Variants in PCSK9 observed in about 807,000 individuals in gnomAD.
The protein encoded by PCSK9 is convertase subtilisin/kexin type 9 preproprotein.
PCSK9 carries 57 observed loss-of-function variants against 62.1 expected under a neutral mutation model. That is an observed-to-expected ratio of 0.92 (90% confidence interval 0.74 to 1.14). The LOEUF (loss-of-function observed/expected upper bound fraction) is 1.14, where lower values mean the gene tolerates loss of function less well. Ranked by LOEUF, PCSK9 falls within the 50% of genes most tolerant of loss-of-function variation. The pLI is 0.00. For missense variants in PCSK9, 870 were observed against 959.8 expected (o/e 0.91, Z 1.24); for synonymous variants, 387 against 409.4 (o/e 0.95, Z 0.66).
At position 55,057,407 on chromosome 1, in the gene PCSK9, G is replaced by T. The variant is rs753017904; in HGVS notation, c.1073G>T (p.Cys358Phe). The T allele has an allele frequency of 1.2e-6, 2 of 1,614,052 alleles. No homozygotes were observed. Among genetic ancestry groups the T allele is most frequent in the African/African-American group, 2.7e-5 (2 of 74,946 alleles). The change falls in exon 7 of 12, where the codon TGT (cysteine) becomes TTT (phenylalanine). Residue 358 changes from cysteine (C) to phenylalanine (F), a missense_variant. Cys to Phe is a radical substitution (Grantham distance 205). Transcript: ENST00000302118. ...ACTTTGGGGACCAACTTTGGCCGCT[G>T]TGTGGACCTCTTTGCCCCAGGGGAG... ...LGTLGTNFGRCVDLFAPGEDI... is the reference protein window; with the variant it reads ...LGTLGTNFGRFVDLFAPGEDI...
At chr1:55,044,475 A>G (rs560855978) in intron 2 of PCSK9, among the ~76,000 whole-genome samples, 1 of 152,240 alleles carries the variant, frequency 6.6e-6, no homozygotes, top group East Asian at 1.9e-4. Flanking sequence ...TGCTATCCAG[A>G]GTGAAGTCCC....
chr1:55,056,028 C>T lies in PCSK9; in HGVS notation c.835C>T (p.Pro279Ser). The stretch of plus-strand genomic sequence containing the variant: ...TATTCGGAAAAGCCAGCTGGTCCAG[C>T]CTGTGGGGCCACTGGTGGTGCTGCT... The part of the protein sequence containing the change: ...EFIRKSQLVQ[P>S]VGPLVVLLPL... Residue 279 changes from proline (P) to serine (S), a missense_variant, in exon 6 of 12, where the codon CCT (proline) becomes TCT (serine). Transcript: ENST00000302118. 1.2e-6 allele frequency: 2 copies of T among 1,610,236 alleles called. No individual in the cohort carries two copies. The highest frequency in any genetic ancestry group is 1.7e-6 in the Non-Finnish European group (2 of 1,177,610).
rs760439904 is a variant in PCSK9 at position 55,040,035 on chromosome 1, C to T, written c.198C>T (p.Arg66=). 3.8e-5 allele frequency: 60 copies of T among 1,567,256 alleles called. No homozygotes were observed. The highest frequency in any genetic ancestry group is 4.9e-5 in the Non-Finnish European group (57 of 1,156,828). ...PEHGTTATFH[R]CAKDPWRLPG... ...ACGGAACCACAGCCACCTTCCACCG[C>T]TGCGCCAAGGTGCGGGTGTAGGGAT... The change falls in exon 1 of 12, where the codon CGC becomes CGT. Residue 66 remains arginine, a synonymous_variant. Coordinates refer to ENST00000302118, the MANE Select transcript of PCSK9 (RefSeq NM_174936.4). This position sits in a 1 kb window ranked among gnomAD's most constrained non-coding sequence, Gnocchi z 4.1.
At chr1:55,057,683 A>C (rs1030119248) in intron 7 of PCSK9, among the ~76,000 whole-genome samples, 169 bp downstream of exon 7, 1 of 152,188 alleles carries the variant, frequency 6.6e-6, no homozygotes, top group African/African-American at 2.4e-5. Flanking sequence ...GCGAGTGCAC[A>C]GAGGAAACAC....
chr1:55,045,938 G>A (rs763955156), intron 2 of PCSK9, among the ~76,000 whole-genome samples: 2 of 116,440 alleles, frequency 1.7e-5, no homozygotes, highest in Non-Finnish European at 3.9e-5. Context: ...TCGAACTCTC[G>A]ACCTCAGGTG....
chr1:55,042,446 C>T (rs1208660581), intron 1 of PCSK9, among the ~76,000 whole-genome samples: 2 of 152,178 alleles, frequency 1.3e-5, no homozygotes, highest in African/African-American at 4.8e-5. Flanking sequence ...CCAGATTCTT[C>T]CAAGCAGACT....
intron 3 of PCSK9, 74 bp from the exon 4 acceptor site, chr1:55,052,204 T>C (rs776413701): frequency 6.2e-7 from 1 of 1,600,150 alleles, no homozygotes; most frequent in Non-Finnish European, 8.6e-7. Flanking sequence ...ATGTGCTCTG[T>C]AGTTTCTGTG....
chr1:55,055,685 C>T (rs1426825231), intron 5 of PCSK9, among the ~76,000 whole-genome samples: 2 of 152,286 alleles, frequency 1.3e-5, no homozygotes, highest in East Asian at 1.9e-4. Context: ...AATACTGAGT[C>T]CTAAGGCAGT....
rs896285434 is a variant in PCSK9, at chr1:55,063,574, A to T, written c.2069A>T (p.Glu690Val). The change falls in exon 12 of 12, where the codon GAG becomes GTG. Residue 690 changes from glutamate to valine, a missense_variant. Coordinates refer to ENST00000302118, the MANE Select transcript of PCSK9 (RefSeq NM_174936.4). ...RSRHLAQASQELQ is the reference protein window; with the variant it reads ...RSRHLAQASQVLQ ...CGGCACCTGGCGCAGGCCTCCCAGG[A>T]GCTCCAGTGACAGCCCCATCCCAGG... The T allele has an allele frequency of 1.2e-6, 2 of 1,611,682 alleles. No homozygotes were observed. Among genetic ancestry groups the T allele is most frequent in the Non-Finnish European group, 1.7e-6 (2 of 1,179,750 alleles).
chr1:55,046,576 C>T lies in PCSK9; in HGVS notation c.453C>T (p.Ala151=), dbSNP rs2100276152. 1 of 1,614,166 alleles carries T rather than the reference C, an allele frequency of 6.2e-7. No homozygotes were observed. The part of the protein sequence containing the change: ...DYIEEDSSVF[A]QSIPWNLERI... ...TCGAGGAGGACTCCTCTGTCTTTGC[C>T]CAGAGCATCCCGTGGAACCTGGAGC... is the stretch of plus-strand genomic sequence containing the variant. Residue 151 remains alanine (A), a synonymous_variant, in exon 3 of 12, where the codon GCC becomes GCT. Transcript: ENST00000302118.
In PCSK9 at chr1:55,049,010, A is replaced by G. The variant is rs116891328; in HGVS notation, c.523+2364A>G. On this transcript the variant is annotated intron_variant, in intron 3 of 11. Transcript: ENST00000302118. ...GAAATGAATGTGGTCTCTTCCCCCA[A>G]CAGTGTATCCAGAAGATTAATCCAT... is the stretch of plus-strand genomic sequence containing the variant. 5.3e-5 allele frequency among the ~76,000 whole-genome samples: 8 copies of G among 152,370 alleles called. No homozygotes were observed. The East Asian group carries it at 1.2e-3, about 22-fold the overall frequency.
chr1:55,056,473 G>A (rs537428570), intron 6 of PCSK9, among the ~76,000 whole-genome samples: 3 of 152,012 alleles, frequency 2.0e-5, no homozygotes, highest in Non-Finnish European at 4.4e-5. Flanking sequence ...CCCACACCCC[G>A]TCCTGGCCAC....
intron 2 of PCSK9, among the ~76,000 whole-genome samples, chr1:55,045,376 T>C (rs932256241): frequency 1.3e-5 from 2 of 152,202 alleles, no homozygotes; most frequent in African/African-American, 4.8e-5. Context: ...TTCCTCTATC[T>C]GTAAACCAGT....
Position 55,039,954 on chromosome 1 carries a change from G to A in PCSK9, c.117G>A (p.Glu39=). 6.3e-7 allele frequency: 1 copy of A among 1,576,810 alleles called. No homozygotes were observed. The highest frequency in any genetic ancestry group is 1.2e-5 in the South Asian group (1 of 85,788). ...RAQEDEDGDY[E]ELVLALRSEE... The stretch of plus-strand genomic sequence containing the variant: ...AGGAGGACGAGGACGGCGACTACGA[G>A]GAGCTGGTGCTAGCCTTGCGTTCCG... The change falls in exon 1 of 12, where the codon GAG becomes GAA. Residue 39 remains glutamate, a synonymous_variant. Transcript: ENST00000302118.
chr1:55,052,765 A>G lies in PCSK9; in HGVS notation c.773A>G (p.Lys258Arg). 1 of 1,613,166 alleles carries G rather than the reference A, an allele frequency of 6.2e-7. No homozygotes were observed. Among genetic ancestry groups the G allele is most frequent in the Non-Finnish European group, 8.5e-7 (1 of 1,179,976 alleles). ...CTGCGCGTGCTCAACTGCCAAGGGA[A>G]GGGCACGGTTAGCGGCACCCTCATA... ...RSLRVLNCQG[K>R]GTVSGTLIGL... The change falls in exon 5 of 12, where the codon AAG (lysine) becomes AGG (arginine). Residue 258 changes from lysine to arginine, a missense_variant. By Grantham distance (26) the Lys-to-Arg change is conservative. Transcript: ENST00000302118.
intron 11 of PCSK9, among the ~76,000 whole-genome samples, chr1:55,062,143 C>T (rs1644765004): frequency 6.6e-6 from 1 of 152,242 alleles, no homozygotes; most frequent in African/African-American, 2.4e-5. Context: ...AGAAAAGGCC[C>T]TGCCGAGATT....
chr1:55,055,623 A>C (rs1354292111), intron 5 of PCSK9, among the ~76,000 whole-genome samples: 1 of 152,114 alleles, frequency 6.6e-6, no homozygotes, highest in Non-Finnish European at 1.5e-5. Context: ...CAAGTCTGAA[A>C]TCCGCAGGGC....
chr1:55,056,968 A>T (rs993957614), intron 6 of PCSK9, among the ~76,000 whole-genome samples: 1 of 152,178 alleles, frequency 6.6e-6, no homozygotes, highest in Non-Finnish European at 1.5e-5. Context: ...CTGGCGGCCG[A>T]ATTTAAAGGC....
rs575003139 is a variant in PCSK9, at chr1:55,056,085, A to G, written c.892A>G (p.Asn298Asp). The G allele has an allele frequency of 3.5e-5, 56 of 1,592,002 alleles. No individual in the cohort carries two copies. In the South Asian group the frequency reaches 5.7e-4, roughly 16 times the overall value. ...PLAGGYSRVL[N>D]AACQRLARAG... Reference sequence around the variant, plus strand: ...GGCGGGTGGGTACAGCCGCGTCCTCAACGCCGCCTGCCAGCGCCTGGCGAG... The same window carrying G: ...GGCGGGTGGGTACAGCCGCGTCCTCGACGCCGCCTGCCAGCGCCTGGCGAG... The change falls in exon 6 of 12, where the codon AAC (asparagine) becomes GAC (aspartate). Residue 298 changes from asparagine to aspartate, a missense_variant. Transcript: ENST00000302118.
Sources: gnomAD v4.1 joint callset for allele counts (sites outside exome capture counted in the v4.1 genomes callset) on GRCh38, gnomAD v4.1.1 for gene constraint, Gnocchi (gnomAD v3.1) non-coding constraint, MANE v1.5 for transcripts, NCBI Gene and HGNC (gene_info 2026-07-23, HGNC 2026-07-21) for gene names.